The following KAT6B variants were observed in gnomAD, a reference collection of about 807,000 sequenced individuals.
KAT6B encodes the protein histone acetyltransferase KAT6B.
A neutral mutation model predicts 187.5 loss-of-function variants in KAT6B; 10 were observed. The observed-to-expected ratio is 0.05, with a 90% CI of 0.03 to 0.09. The LOEUF (loss-of-function observed/expected upper bound fraction) is 0.09. KAT6B is among the 10% of genes least tolerant of loss of function. The probability of loss-of-function intolerance (pLI) is 1.00; values close to 1 mark genes in which losing one functional copy is unlikely to be tolerated. For missense variants in KAT6B, 1,952 were observed against 2,558.9 expected (o/e 0.76, Z 5.12); for synonymous variants, 861 against 926.8 (o/e 0.93, Z 1.29).
At chr10:74,861,650 T>G (rs1032666985) in intron 3 of KAT6B, among the ~76,000 whole-genome samples, 4 of 152,204 alleles carry the variant, frequency 2.6e-5, no homozygotes, top group African/African-American at 7.2e-5. Context: ...TTATACTACA[T>G]TACCTCTCAT....
chr10:74,970,086 T>C lies in KAT6B; in HGVS notation c.913T>C (p.Ser305Pro), dbSNP rs1042884100. ...TATGGAATGCTGTGACCCACCACTT[T>C]CCAGAATGCCAAAAGGTGAACTTCT... ...FHMECCDPPL[S>P]RMPKGMWICQ... is the part of the protein sequence containing the mutation. The change falls in exon 6 of 18, where the codon TCC (serine) becomes CCC (proline). Residue 305 changes from serine (S) to proline (P), a missense_variant. This residue lies in a region of KAT6B where 417 missense variants were observed against 508.9 expected (regional missense o/e 0.82). Coordinates refer to ENST00000287239, the MANE Select transcript of KAT6B (RefSeq NM_012330.4). The C allele has an allele frequency of 1.2e-6, 2 of 1,610,892 alleles. No individual in the cohort carries two copies. The highest frequency in any genetic ancestry group is 2.7e-5 in the African/African-American group (2 of 74,844).
At chr10:74,862,982 G>T (rs903418335) in intron 3 of KAT6B, among the ~76,000 whole-genome samples, 9 of 152,290 alleles carry the variant, frequency 5.9e-5, no homozygotes, top group East Asian at 1.9e-4. Context: ...CTTACGCCAA[G>T]AATGGCTAGA....
intron 3 of KAT6B, among the ~76,000 whole-genome samples, chr10:74,929,385 G>T (rs1483787688): frequency 3.3e-5 from 5 of 152,254 alleles, no homozygotes; most frequent in Middle Eastern, 3.4e-3. Flanking sequence ...CTTGCGTACA[G>T]TGAAATCTTG....
intron 3 of KAT6B, among the ~76,000 whole-genome samples, chr10:74,883,478 G>T (rs567961420): frequency 6.6e-6 from 1 of 152,112 alleles, no homozygotes; most frequent in Admixed American, 6.5e-5. Context: ...TACTTCTCCT[G>T]TTCCCCTCTG....
At position 74,975,959 on chromosome 10, in the gene KAT6B, A is replaced by C; in HGVS notation, c.1622A>C (p.Lys541Thr). Residue 541 changes from lysine to threonine, a missense_variant, in exon 8 of 18, where the codon AAG (lysine) becomes ACG (threonine). By Grantham distance (78) the Lys-to-Thr change is moderately conservative (BLOSUM62 -1). Transcript: ENST00000287239. ...AGCCTTACCACTAACAGCCAGCTGA[A>C]GGCACTCTTTGATGGGCTTTCTCAT... ...LSSLTTNSQL[K>T]ALFDGLSHIY... 1 of 1,614,160 alleles carries C rather than the reference A, an allele frequency of 6.2e-7. No homozygotes were observed. The highest frequency in any genetic ancestry group is 8.5e-7 in the Non-Finnish European group (1 of 1,180,030).
At chr10:75,002,781 C>G (rs1843939512) in intron 13 of KAT6B, among the ~76,000 whole-genome samples, 1 of 152,198 alleles carries the variant, frequency 6.6e-6, no homozygotes, top group Non-Finnish European at 1.5e-5. Context: ...CATCGTTGAC[C>G]TAAACATCAT....
intron 3 of KAT6B, among the ~76,000 whole-genome samples, chr10:74,935,471 A>G (rs1202839063): frequency 2.0e-5 from 3 of 151,986 alleles, no homozygotes; most frequent in Non-Finnish European, 4.4e-5. Flanking sequence ...ACTAATTTGT[A>G]AAACTTTTTG....
In KAT6B at chr10:75,020,563, T is replaced by C. The variant is rs762418226; in HGVS notation, c.2630-19T>C. The C allele has an allele frequency of 6.3e-7, 1 of 1,577,990 alleles. No homozygotes were observed. Among genetic ancestry groups the C allele is most frequent in the South Asian group, 1.1e-5 (1 of 90,326 alleles). On this transcript the variant is annotated intron_variant, in intron 13 of 17. Coordinates refer to ENST00000287239, the MANE Select transcript of KAT6B (RefSeq NM_012330.4). ...GGAATGCCACAGTGAGGAATGCCCA[T>C]TTATTTTTTCTGCCCTAGGCTATTT... is the stretch of plus-strand genomic sequence containing the variant.
At position 75,030,499 on chromosome 10, in the gene KAT6B, C is replaced by T. The variant is rs1037774698; in HGVS notation, c.5675C>T (p.Pro1892Leu). Reference protein sequence around the residue: ...PNLTPPPMNLPPPLLQRNMAA... With the variant: ...PNLTPPPMNLLPPLLQRNMAA... ...CTGACTCCTCCTCCAATGAATCTGCCGCCGCCTCTTTTGCAACGGAACATG... is the reference window on the plus strand; with the variant it reads ...CTGACTCCTCCTCCAATGAATCTGCTGCCGCCTCTTTTGCAACGGAACATG... Residue 1892 changes from proline to leucine, a missense_variant, in exon 18 of 18, where the codon CCG (proline) becomes CTG (leucine). By Grantham distance (98) the Pro-to-Leu change is moderately conservative. Coordinates refer to ENST00000287239, the MANE Select transcript of KAT6B (RefSeq NM_012330.4). This position sits in a 1 kb window ranked among gnomAD's most constrained non-coding sequence, Gnocchi z 4.8. The T allele has an allele frequency of 2.5e-6, 4 of 1,611,364 alleles. No individual in the cohort carries two copies. The highest frequency in any genetic ancestry group is 3.4e-6 in the Non-Finnish European group (4 of 1,177,900).
At chr10:74,995,296 G>C (rs1232854861) in intron 13 of KAT6B, among the ~76,000 whole-genome samples, 1 of 152,142 alleles carries the variant, frequency 6.6e-6, no homozygotes, top group Non-Finnish European at 1.5e-5. Context: ...TCCCCCTTCA[G>C]TGTTACTGTA....
At chr10:74,854,907 C>A (rs1029116628) in intron 3 of KAT6B, among the ~76,000 whole-genome samples, 2 of 152,180 alleles carry the variant, frequency 1.3e-5, no homozygotes, top group Non-Finnish European at 2.9e-5. Flanking sequence ...ACTTTACTTA[C>A]AAGTTCAATT....
At chr10:74,892,497 C>T (rs539161115) in intron 3 of KAT6B, among the ~76,000 whole-genome samples, 14 of 152,184 alleles carry the variant, frequency 9.2e-5, no homozygotes, top group African/African-American at 3.4e-4. Context: ...TTGTACATTT[C>T]GCACTGATAC....
At chr10:75,012,228 G>C (rs556160476) in intron 13 of KAT6B, among the ~76,000 whole-genome samples, 9 of 152,154 alleles carry the variant, frequency 5.9e-5, no homozygotes, top group African/African-American at 1.7e-4. Flanking sequence ...CAGGAGGGTT[G>C]CTTGAGCCGA....
intron 13 of KAT6B, among the ~76,000 whole-genome samples, chr10:75,017,483 T>TG (rs1845063864): frequency 6.6e-6 from 1 of 152,080 alleles, no homozygotes. Context: ...GCATGGCCAC[T>TG]GGCGCCTGTA....
chr10:74,988,033 A>G (rs1842924273), intron 12 of KAT6B, among the ~76,000 whole-genome samples: 2 of 152,250 alleles, frequency 1.3e-5, no homozygotes, highest in Admixed American at 6.5e-5. Flanking sequence ...TCTTTTTCAC[A>G]AAGAAATCTT....
intron 8 of KAT6B, 151 bp from the exon 9 acceptor site, chr10:74,977,165 G>A: frequency 3.0e-6 from 2 of 667,518 alleles, no homozygotes. Context: ...CTGGATCTAT[G>A]AGCAGTGCTT....
chr10:74,970,200 T>C (rs1841756592), intron 6 of KAT6B, 99 bp downstream of exon 6: 2 of 850,194 alleles, frequency 2.4e-6, no homozygotes, highest in Non-Finnish European at 3.9e-6. Context: ...CTTTAAGCAT[T>C]TTTTTCATCC....
At chr10:74,865,989 A>C (rs1843525544) in intron 3 of KAT6B, among the ~76,000 whole-genome samples, 1 of 152,048 alleles carries the variant, frequency 6.6e-6, no homozygotes, top group Admixed American at 6.6e-5. Flanking sequence ...GTATTCATGG[A>C]TGCAAAATGC....
chr10:74,984,376 C>G (rs1452610134), intron 11 of KAT6B: 1 of 152,176 alleles, frequency 6.6e-6, no homozygotes, highest in Non-Finnish European at 1.5e-5. Context: ...AGAGTAACTA[C>G]ATTTGATCAA....
Sources: allele counts gnomAD v4.1 joint callset (sites outside exome capture counted in the v4.1 genomes callset), GRCh38; gene constraint gnomAD v4.1.1; regional missense constraint gnomAD v4.1.1; non-coding constraint Gnocchi (gnomAD v3.1); transcripts MANE v1.5; gene names NCBI Gene and HGNC (gene_info 2026-07-23, HGNC 2026-07-21).